Variants in ITPR2 observed in about 807,000 individuals in gnomAD.
ITPR2 encodes inositol 1,4,5-trisphosphate-gated calcium channel ITPR2.
ITPR2 carries 207 observed loss-of-function variants against 317.1 expected under a neutral mutation model. That is an observed-to-expected ratio of 0.65 (90% CI 0.58 to 0.73). ITPR2 has a LOEUF of 0.73. Among genes scored for constraint, ITPR2 ranks in the 30% least tolerant of loss-of-function variants. The pLI is 0.00. For synonymous variants in ITPR2, 1,156 were observed against 1,149.1 expected, an observed-to-expected ratio of 1.01 and a Z score of -0.12; for missense variants, 2,613 against 3,284.0, an observed-to-expected ratio of 0.80 and a Z score of 4.99.
rs1950328038 is a variant in ITPR2, at chr12:26,790,709, T to C, written c.93-482A>G. Reference sequence around the variant, plus strand: ...GTTTTTATTTTCCTGTCTTTTATTTTTCCCGGTGTGTATGTATGTTTTACA... The same window carrying C: ...GTTTTTATTTTCCTGTCTTTTATTTCTCCCGGTGTGTATGTATGTTTTACA... On this transcript the variant is annotated intron_variant, in intron 1 of 56. Transcript: ENST00000381340. 2.6e-5 allele frequency among the ~76,000 whole-genome samples: 4 copies of C among 152,104 alleles called. 1 individual carries two copies. The South Asian group carries it at 8.3e-4, about 32-fold the overall frequency.
At chr12:26,464,981 GC>G (rs776257607) in intron 45 of ITPR2, among the ~76,000 whole-genome samples, 9 of 152,210 alleles carry the variant, frequency 5.9e-5, no homozygotes, top group Non-Finnish European at 1.3e-4. Context: ...TCCTGAGCAA[GC>G]AGTTGGAGGA....
At chr12:26,512,639 T>C (rs1943383441) in intron 37 of ITPR2, among the ~76,000 whole-genome samples, 1 of 152,052 alleles carries the variant, frequency 6.6e-6, no homozygotes, top group South Asian at 2.1e-4. Flanking sequence ...ATGTCTCATG[T>C]CTCCCAAAAA....
intron 37 of ITPR2, among the ~76,000 whole-genome samples, chr12:26,525,222 C>G (rs1348477599): frequency 1.3e-5 from 2 of 152,180 alleles, no homozygotes; most frequent in Non-Finnish European, 2.9e-5. Flanking sequence ...TAGAGCTACT[C>G]TAATATCCCT....
intron 37 of ITPR2, among the ~76,000 whole-genome samples, chr12:26,544,387 AT>A (rs1160932214): frequency 6.6e-6 from 1 of 152,176 alleles, no homozygotes; most frequent in Non-Finnish European, 1.5e-5. Context: ...ATCTAATTAC[AT>A]TTAGTTACAT....
intron 1 of ITPR2, among the ~76,000 whole-genome samples, chr12:26,828,994 C>T (rs1161426329): frequency 6.6e-6 from 1 of 152,188 alleles, no homozygotes; most frequent in East Asian, 1.9e-4. Flanking sequence ...TAAGTTTCCT[C>T]TTCTCTCTTA....
chr12:26,578,691 T>C (rs778538994), intron 34 of ITPR2, 22 bp downstream of exon 34: 5 of 1,567,318 alleles, frequency 3.2e-6, no homozygotes, highest in Non-Finnish European at 4.4e-6. Flanking sequence ...TAAAAATAAG[T>C]AAAACTCAAA....
rs1185718616 is a variant in ITPR2 at position 26,519,429 on chromosome 12, T to C, written c.5074-24169A>G. On this transcript the variant is annotated intron_variant, in intron 37 of 56. Coordinates refer to ENST00000381340, the MANE Select transcript of ITPR2 (RefSeq NM_002223.4). The stretch of plus-strand genomic sequence containing the variant: ...CATAAAACAGCAAAAGTCCTATGAT[T>C]ATGCTTTACAGATGCTGAAGAACCA... Among the ~76,000 whole-genome samples, 3 of 152,338 alleles carry C rather than the reference T, an allele frequency of 2.0e-5. No homozygotes were observed. In the East Asian group the frequency reaches 5.8e-4, roughly 29 times the overall value.
At chr12:26,552,135 C>A (rs188951896) in intron 36 of ITPR2, among the ~76,000 whole-genome samples, 26 of 152,172 alleles carry the variant, frequency 1.7e-4, no homozygotes, top group African/African-American at 5.3e-4. Context: ...GGAAGCAGGG[C>A]AGATTAGAGA....
chr12:26,771,575 T>TGC (rs1414964398), intron 2 of ITPR2, among the ~76,000 whole-genome samples: 3 of 152,156 alleles, frequency 2.0e-5, no homozygotes, highest in Admixed American at 1.3e-4. Context: ...AGTGCAGCGG[T>TGC]GCGATCTCGG....
intron 37 of ITPR2, among the ~76,000 whole-genome samples, chr12:26,526,283 T>A (rs1213084482): frequency 6.6e-6 from 1 of 152,206 alleles, no homozygotes; most frequent in Non-Finnish European, 1.5e-5. Context: ...AAGAAAGGCA[T>A]TTGTGCTGAG....
At chr12:26,732,662 T>C (rs1046621959) in intron 2 of ITPR2, among the ~76,000 whole-genome samples, 4 of 152,168 alleles carry the variant, frequency 2.6e-5, no homozygotes, top group Admixed American at 6.5e-5. Context: ...TGAGATGAAA[T>C]ATGAACCAAG....
chr12:26,818,698 CT>C lies in ITPR2; in HGVS notation c.92+13991del, dbSNP rs201061481. Among the ~76,000 whole-genome samples, 153 of 145,658 alleles carry C rather than the reference CT, an allele frequency of 1.1e-3. 1 individual carries two copies. Among genetic ancestry groups the C allele is most frequent in the Middle Eastern group, 3.5e-3 (1 of 288 alleles). On this transcript the variant is annotated intron_variant, in intron 1 of 56. Transcript: ENST00000381340. ...TAGGACTCTGAGTACAACAAAATTC[CT>C]TTTTTTTTTTACCTTCCCTACTAAT...
intron 2 of ITPR2, among the ~76,000 whole-genome samples, chr12:26,777,100 G>C (rs1949987781): frequency 6.6e-6 from 1 of 152,210 alleles, no homozygotes; most frequent in Non-Finnish European, 1.5e-5. Flanking sequence ...TAATGTTGCA[G>C]CTCAGAGAGT....
At chr12:26,697,558 C>G (rs1948373783) in intron 9 of ITPR2, among the ~76,000 whole-genome samples, 1 of 152,100 alleles carries the variant, frequency 6.6e-6, no homozygotes, top group African/African-American at 2.4e-5. Context: ...CATTTAATCC[C>G]AGCACTTTGG....
At chr12:26,675,732 C>T (rs1362446961) in intron 13 of ITPR2, among the ~76,000 whole-genome samples, 1 of 149,170 alleles carries the variant, frequency 6.7e-6, no homozygotes, top group Non-Finnish European at 1.5e-5. Flanking sequence ...GAAAAATTAC[C>T]AGTGAAGAAT....
intron 9 of ITPR2, 134 bp from the exon 10 acceptor site, chr12:26,695,784 AGT>A: frequency 3.2e-6 from 2 of 634,894 alleles, no homozygotes; most frequent in Non-Finnish European, 5.6e-6. Flanking sequence ...AGAAACTATT[AGT>A]AAATATGACA....
chr12:26,667,984 A>C (rs537718175), intron 13 of ITPR2, among the ~76,000 whole-genome samples: 1 of 152,302 alleles, frequency 6.6e-6, no homozygotes, highest in East Asian at 1.9e-4. Flanking sequence ...AGGAAAAGCA[A>C]CCTTCTCTTT....
intron 26 of ITPR2, among the ~76,000 whole-genome samples, chr12:26,603,524 G>T (rs1946054092): frequency 6.6e-6 from 1 of 152,124 alleles, no homozygotes; most frequent in Non-Finnish European, 1.5e-5. Context: ...ATCTAAAAGG[G>T]ATACAAAGAA....
intron 37 of ITPR2, among the ~76,000 whole-genome samples, chr12:26,516,589 G>GGATT (rs1447144427): frequency 6.6e-6 from 1 of 151,998 alleles, no homozygotes; most frequent in African/African-American, 2.4e-5. Context: ...TAGCACTCAT[G>GGATT]GATTATACAA....
Sources: gnomAD v4.1 joint callset for allele counts (sites outside exome capture counted in the v4.1 genomes callset) on GRCh38, gnomAD v4.1.1 for gene constraint, MANE v1.5 for transcripts, NCBI Gene and HGNC (gene_info 2026-07-23, HGNC 2026-07-21) for gene names.